Variants in ZNF578 observed in about 807,000 individuals in gnomAD.
ZNF578 encodes the protein Putative chemokine-related protein B42.
A neutral mutation model predicts 8.3 loss-of-function variants in ZNF578; 8 were observed. That is an observed-to-expected ratio of 0.96 (90% confidence interval 0.56 to 1.74). ZNF578 has a LOEUF of 1.74. Ranked by LOEUF, ZNF578 falls within the 40% of genes most tolerant of loss-of-function variation. The pLI is 0.00. For missense variants in ZNF578, 726 were observed against 707.5 expected (o/e 1.03, Z -0.30); for synonymous variants, 206 against 232.2 (o/e 0.89, Z 1.03).
intron 3 of ZNF578, among the ~76,000 whole-genome samples, chr19:52,492,570 T>G (rs1467361664): frequency 2.6e-5 from 4 of 152,218 alleles, no homozygotes; most frequent in Admixed American, 2.0e-4. Context: ...TTAGTTTGCA[T>G]GCCCGTTCCA....
chr19:52,480,296 A>C (rs1301077449), intron 2 of ZNF578, among the ~76,000 whole-genome samples: 1 of 152,178 alleles, frequency 6.6e-6, no homozygotes, highest in Non-Finnish European at 1.5e-5. Flanking sequence ...CTTGTTAACC[A>C]GTTTCTCTTC....
chr19:52,489,797 A>C (rs1223410218), intron 2 of ZNF578, among the ~76,000 whole-genome samples: 2 of 151,474 alleles, frequency 1.3e-5, no homozygotes, highest in Admixed American at 1.3e-4. Context: ...CTGGGACTAC[A>C]GGCGCCCGCC....
At chr19:52,471,637 C>A (rs1274972112) in intron 2 of ZNF578, among the ~76,000 whole-genome samples, 1 of 152,176 alleles carries the variant, frequency 6.6e-6, no homozygotes, top group Non-Finnish European at 1.5e-5. Flanking sequence ...TATTCCAGTT[C>A]TCTGAAGCTG....
intron 2 of ZNF578, among the ~76,000 whole-genome samples, chr19:52,468,412 T>C (rs947099415): frequency 2.0e-5 from 3 of 152,236 alleles, no homozygotes; most frequent in African/African-American, 7.2e-5. Flanking sequence ...ATGGGACCTA[T>C]GTGTCCAGCC....
intron 2 of ZNF578, among the ~76,000 whole-genome samples, chr19:52,482,942 CAAAAAAA>C (rs35843945): frequency 1.8e-5 from 1 of 55,426 alleles, no homozygotes; most frequent in Non-Finnish European, 3.9e-5. Context: ...CTCTGTCTCC[CAAAAAAA>C]AAAAAAAAAA....
chr19:52,491,069 T>G (rs1038393965), intron 2 of ZNF578, among the ~76,000 whole-genome samples: 1 of 152,194 alleles, frequency 6.6e-6, no homozygotes, highest in Non-Finnish European at 1.5e-5. Context: ...CTCCTGACTT[T>G]AGGCTTACAC....
At position 52,511,730 on chromosome 19, in the gene ZNF578, C is replaced by A; in HGVS notation, c.1349C>A (p.Thr450Asn). The A allele has an allele frequency of 6.2e-7, 1 of 1,613,264 alleles. No homozygotes were observed. Among genetic ancestry groups the A allele is most frequent in the Non-Finnish European group, 8.5e-7 (1 of 1,179,892 alleles). ...CTTGCACGTCATCATAGACTTCATA[C>A]TGGAGAGAAATCTTACAAATGTGAA... ...SSLARHHRLH[T>N]GEKSYKCEEC... The change falls in exon 6 of 6, where the codon ACT becomes AAT. Residue 450 changes from threonine (T) to asparagine (N), a missense_variant. Physicochemically the swap from Thr to Asn is moderately conservative, Grantham distance 65 (BLOSUM62 0). Transcript: ENST00000421239.
intron 3 of ZNF578, among the ~76,000 whole-genome samples, chr19:52,499,753 T>G (rs995545696): frequency 6.7e-6 from 1 of 149,530 alleles, no homozygotes; most frequent in South Asian, 2.1e-4. Context: ...TGCCATGATA[T>G]CAGCTCACTG....
chr19:52,465,216 C>T (rs1398923570), intron 2 of ZNF578, among the ~76,000 whole-genome samples: 7 of 151,988 alleles, frequency 4.6e-5, no homozygotes, highest in African/African-American at 1.7e-4. Flanking sequence ...TAATGAACTG[C>T]GGGGCAGGTA....
intron 2 of ZNF578, among the ~76,000 whole-genome samples, chr19:52,466,950 G>T (rs1052024238): frequency 6.6e-6 from 1 of 151,900 alleles, no homozygotes; most frequent in South Asian, 2.1e-4. Context: ...ACCCTTTCAT[G>T]AAGTTCCATG....
At position 52,456,911 on chromosome 19, in the gene ZNF578, C is replaced by G. The variant is rs1053120693; in HGVS notation, c.-169C>G. The G allele has an allele frequency of 6.5e-6, 1 of 153,268 alleles. No individual in the cohort carries two copies. The highest frequency in any genetic ancestry group is 1.5e-5 in the Non-Finnish European group (1 of 68,404). 9.5% of individuals were successfully genotyped at this position (153,268 alleles called of 1,614,324 possible). On this transcript the variant is annotated 5_prime_UTR_variant, in exon 2 of 6. Coordinates refer to ENST00000421239, the MANE Select transcript of ZNF578 (RefSeq NM_001099694.2). ...CTTTCATCTCTCCTAAGGAAGAAGCCTAGAAGAGGAGGAAGAGGAAAGAAA... is the reference window on the plus strand; with the variant it reads ...CTTTCATCTCTCCTAAGGAAGAAGCGTAGAAGAGGAGGAAGAGGAAAGAAA...
intron 2 of ZNF578, among the ~76,000 whole-genome samples, chr19:52,459,931 C>G (rs2059252651): frequency 6.7e-6 from 1 of 149,486 alleles, no homozygotes; most frequent in Admixed American, 6.7e-5. Flanking sequence ...CCATGCCCAG[C>G]TAATTTTGTA....
rs755574187 is a variant in ZNF578, at chr19:52,511,732, G to A, written c.1351G>A (p.Gly451Arg). 1 of 1,613,452 alleles carries A rather than the reference G, an allele frequency of 6.2e-7. No homozygotes were observed. Among genetic ancestry groups the A allele is most frequent in the Non-Finnish European group, 8.5e-7 (1 of 1,179,912 alleles). ...TGCACGTCATCATAGACTTCATACT[G>A]GAGAGAAATCTTACAAATGTGAAGA... ...SLARHHRLHTGEKSYKCEECD... is the reference protein window; with the variant it reads ...SLARHHRLHTREKSYKCEECD... Residue 451 changes from glycine (G) to arginine (R), a missense_variant, in exon 6 of 6, where the codon GGA (glycine) becomes AGA (arginine). Gly to Arg is a moderately radical substitution (Grantham distance 125). Transcript: ENST00000421239.
At chr19:52,501,168 C>A (rs111865301) in intron 3 of ZNF578, among the ~76,000 whole-genome samples, 6 of 152,274 alleles carry the variant, frequency 3.9e-5, no homozygotes, top group African/African-American at 1.4e-4. Flanking sequence ...AGAGCCCCTG[C>A]GTCTGGCCTC....
intron 3 of ZNF578, among the ~76,000 whole-genome samples, chr19:52,495,406 C>T (rs2059382382): frequency 1.4e-5 from 2 of 147,262 alleles, no homozygotes; most frequent in Admixed American, 6.9e-5. Flanking sequence ...GCTGAGATCG[C>T]ACCATTGTAC....
intron 2 of ZNF578, among the ~76,000 whole-genome samples, chr19:52,467,370 G>A (rs1354462719): frequency 6.6e-6 from 1 of 152,146 alleles, no homozygotes; most frequent in African/African-American, 2.4e-5. Context: ...GGTGGAGGTT[G>A]TGGTGAGCTG....
intron 3 of ZNF578, 27 bp from the exon 4 acceptor site, chr19:52,501,800 G>T: frequency 6.2e-7 from 1 of 1,608,746 alleles, no homozygotes; most frequent in Admixed American, 1.7e-5. Flanking sequence ...TATCTAACCT[G>T]AAGTCTTATT....
chr19:52,461,144 A>G (rs1269432985), intron 2 of ZNF578, among the ~76,000 whole-genome samples: 1 of 152,198 alleles, frequency 6.6e-6, no homozygotes, highest in South Asian at 2.1e-4. Context: ...ATGCTTCAAA[A>G]ATGTGTTCCT....
intron 3 of ZNF578, among the ~76,000 whole-genome samples, chr19:52,494,606 A>G (rs898745055): frequency 2.0e-5 from 3 of 152,198 alleles, no homozygotes; most frequent in Admixed American, 2.0e-4. Context: ...TAACTTGTCT[A>G]AATTATACAG....
Sources: allele counts gnomAD v4.1 joint callset (sites outside exome capture counted in the v4.1 genomes callset), GRCh38; gene constraint gnomAD v4.1.1; transcripts MANE v1.5; gene names NCBI Gene and HGNC (gene_info 2026-07-23, HGNC 2026-07-21).